Variants in TMEFF2 observed in about 807,000 individuals in gnomAD.
The protein encoded by TMEFF2 is transmembrane protein with EGF like and two follistatin like domains 2.
Under a neutral mutation model 53.8 loss-of-function variants are expected in TMEFF2, and 28 were observed. The observed-to-expected ratio is 0.52, with a 90% CI of 0.39 to 0.71. TMEFF2 has a LOEUF of 0.71. Ranked by LOEUF, TMEFF2 falls within the 30% of genes least tolerant of loss-of-function variation. TMEFF2 has a pLI of 0.00. For synonymous variants in TMEFF2, 162 were observed against 166.3 expected (o/e 0.97, Z 0.20); for missense variants, 353 against 455.2 (o/e 0.78, Z 2.04).
At position 191,950,210 on chromosome 2, in the gene TMEFF2, A is replaced by G. The variant is rs753614595; in HGVS notation, c.*101T>C. The G allele has an allele frequency of 1.7e-5, 26 of 1,551,752 alleles. No individual in the cohort carries two copies. The highest frequency in any genetic ancestry group is 2.2e-5 in the Non-Finnish European group (25 of 1,151,814). On this transcript the variant is annotated 3_prime_UTR_variant, in exon 10 of 10. Transcript: ENST00000272771. ...CATTGGTGTAGATTACCACAAATGC[A>G]AGGCAACATGTGTAGATCTCTTGTC...
At chr2:192,134,900 T>C (rs951848038) in intron 4 of TMEFF2, among the ~76,000 whole-genome samples, 1 of 152,184 alleles carries the variant, frequency 6.6e-6, no homozygotes, top group Admixed American at 6.5e-5. Flanking sequence ...GACAGACTAA[T>C]GGTCTATTAA....
intron 7 of TMEFF2, among the ~76,000 whole-genome samples, chr2:191,957,046 C>G (rs941281156): frequency 2.6e-5 from 4 of 152,152 alleles, no homozygotes; most frequent in Admixed American, 6.5e-5. Flanking sequence ...CATATTTGGC[C>G]TGTATTAACA....
intron 4 of TMEFF2, among the ~76,000 whole-genome samples, chr2:192,090,454 A>G (rs1306183829): frequency 6.6e-6 from 1 of 152,158 alleles, no homozygotes; most frequent in Non-Finnish European, 1.5e-5. Flanking sequence ...TCACAGTCAA[A>G]TGCAGTGATA....
intron 2 of TMEFF2, among the ~76,000 whole-genome samples, chr2:192,188,862 T>C (rs1691386739): frequency 6.6e-6 from 1 of 151,592 alleles, no homozygotes; most frequent in African/African-American, 2.4e-5. Context: ...TATCTATCTA[T>C]CTATCTATCT....
At chr2:192,055,486 A>G (rs1452772061) in intron 5 of TMEFF2, among the ~76,000 whole-genome samples, 1 of 152,096 alleles carries the variant, frequency 6.6e-6, no homozygotes, top group African/African-American at 2.4e-5. Flanking sequence ...AAAACCATAC[A>G]TTTGTTGGCT....
chr2:192,102,830 G>A (rs527811444), intron 4 of TMEFF2, among the ~76,000 whole-genome samples: 115 of 151,654 alleles, frequency 7.6e-4, no homozygotes, highest in Admixed American at 7.2e-3. Context: ...CTCAACCTCC[G>A]AAAGTATTGG....
At chr2:192,014,401 A>G (rs1686700683) in intron 5 of TMEFF2, among the ~76,000 whole-genome samples, 1 of 152,150 alleles carries the variant, frequency 6.6e-6, no homozygotes, top group Admixed American at 6.5e-5. Flanking sequence ...TTTCATTGTC[A>G]TGCCCAAAAT....
At chr2:191,950,624 GAA>G (rs1691846735) in intron 9 of TMEFF2, among the ~76,000 whole-genome samples, 1 of 82,024 alleles carries the variant, frequency 1.2e-5, no homozygotes, top group African/African-American at 4.5e-5. Context: ...AACACAGGCA[GAA>G]GTTGAAGAGG....
chr2:191,956,264 G>A lies in TMEFF2; in HGVS notation c.860C>T (p.Pro287Leu). 1.2e-6 allele frequency: 2 copies of A among 1,608,372 alleles called. No individual in the cohort carries two copies. Among genetic ancestry groups the A allele is most frequent in the Non-Finnish European group, 1.7e-6 (2 of 1,178,160 alleles). ...CGAGTAAAAATGTTACCTGCAAGAT[G>A]GCTCCTGCATATTGATAGAATGCTC... ...KCEHSINMQE[P>L]SCRCDAGYTG... Residue 287 changes from proline to leucine, a missense_variant, in exon 8 of 10, where the codon CCA (proline) becomes CTA (leucine). Physicochemically the swap from Pro to Leu is moderately conservative, Grantham distance 98. Around this residue, in one of 3 missense-constraint regions of TMEFF2, gnomAD observed 294 missense variants for 397.3 expected, o/e 0.74. Transcript: ENST00000272771.
intron 7 of TMEFF2, among the ~76,000 whole-genome samples, chr2:191,983,660 C>T (rs540810467): frequency 1.3e-5 from 2 of 152,196 alleles, no homozygotes; most frequent in Non-Finnish European, 2.9e-5. Context: ...AGTACAGAGC[C>T]CAGTAAACCT....
chr2:192,057,530 T>A (rs3738883), intron 5 of TMEFF2, 149 bp downstream of exon 5: 3 of 702,130 alleles, frequency 4.3e-6, no homozygotes, highest in South Asian at 1.8e-5. Context: ...GTTCCAGAAA[T>A]TCCTTGCCCT....
At chr2:191,956,515 A>G in intron 7 of TMEFF2, 137 bp from the exon 8 acceptor site, 2 of 1,032,674 alleles carry the variant, frequency 1.9e-6, no homozygotes, top group Non-Finnish European at 2.7e-6. Context: ...TTCAGAAATA[A>G]GAGGAAGAAA....
At chr2:191,995,469 C>T (rs969672163) in intron 7 of TMEFF2, among the ~76,000 whole-genome samples, 2 of 151,970 alleles carry the variant, frequency 1.3e-5, no homozygotes, top group Admixed American at 1.3e-4. Flanking sequence ...GAGCTGTGAG[C>T]ACACAGCAAA....
chr2:191,982,910 A>T (rs1685887635), intron 7 of TMEFF2, among the ~76,000 whole-genome samples: 1 of 152,190 alleles, frequency 6.6e-6, no homozygotes, highest in Non-Finnish European at 1.5e-5. Context: ...AATAAAAGTC[A>T]TTAGAAACAA....
chr2:192,131,351 C>T (rs1689822352), intron 4 of TMEFF2, among the ~76,000 whole-genome samples: 1 of 151,134 alleles, frequency 6.6e-6, no homozygotes, highest in Non-Finnish European at 1.5e-5. Context: ...CTCTGCTTTT[C>T]TGGGGAAGGG....
chr2:192,110,735 T>C (rs1441226567), intron 4 of TMEFF2, among the ~76,000 whole-genome samples: 1 of 152,156 alleles, frequency 6.6e-6, no homozygotes, highest in Admixed American at 6.5e-5. Context: ...TGTTTGTTAT[T>C]TTGCATTTAC....
intron 7 of TMEFF2, among the ~76,000 whole-genome samples, chr2:191,983,672 G>C (rs138140835): frequency 2.2e-4 from 33 of 152,160 alleles, no homozygotes; most frequent in African/African-American, 7.5e-4. Flanking sequence ...AGTAAACCTG[G>C]GCTCTGACAA....
chr2:191,996,750 T>A (rs1224229482), intron 7 of TMEFF2, among the ~76,000 whole-genome samples: 4 of 151,904 alleles, frequency 2.6e-5, no homozygotes, highest in Non-Finnish European at 5.9e-5. Flanking sequence ...AATTGTTGAT[T>A]TTTTTTCAAG....
rs761814284 is a variant in TMEFF2 at position 192,194,560 on chromosome 2, T to G, written c.-36A>C. ...TGCAACTCTGCAGCAGCAAACGGCTTCCGAGGAACACAGGATCGCGGGGGC... is the reference window on the plus strand; with the variant it reads ...TGCAACTCTGCAGCAGCAAACGGCTGCCGAGGAACACAGGATCGCGGGGGC... On this transcript the variant is annotated 5_prime_UTR_variant, in exon 1 of 10. Transcript: ENST00000272771. The surrounding 1 kb of genome is among the most constrained non-coding windows in gnomAD (Gnocchi z 4.2). 1.3e-6 allele frequency: 2 copies of G among 1,599,602 alleles called. No homozygotes were observed. The highest frequency in any genetic ancestry group is 1.7e-6 in the Non-Finnish European group (2 of 1,170,768).
Sources: allele counts gnomAD v4.1 joint callset (sites outside exome capture counted in the v4.1 genomes callset), GRCh38; gene constraint gnomAD v4.1.1; regional missense constraint gnomAD v4.1.1; non-coding constraint Gnocchi (gnomAD v3.1); transcripts MANE v1.5; gene names NCBI Gene and HGNC (gene_info 2026-07-23, HGNC 2026-07-21).